Variants in WDHD1 observed in about 807,000 individuals in gnomAD.
WDHD1 encodes WD repeat and HMG-box DNA-binding protein 1.
In WDHD1, 111 loss-of-function variants were observed where a neutral mutation model predicts 135.4. The ratio of observed to expected loss-of-function variants is 0.82; its 90% CI spans 0.70 to 0.96. The LOEUF is 0.96. Among genes scored for constraint, WDHD1 ranks in the 40% least tolerant of loss-of-function variants. The pLI is 0.00. For synonymous variants in WDHD1, 434 were observed against 439.0 expected (o/e 0.99, Z 0.14); for missense variants, 1,351 against 1,336.3 (o/e 1.01, Z -0.17).
Position 55,002,164 on chromosome 14 carries a change from T to C in WDHD1, c.622A>G (p.Lys208Glu). Residue 208 changes from lysine to glutamate, a missense_variant, in exon 8 of 26, where the codon AAA becomes GAA. Physicochemically the swap from Lys to Glu is moderately conservative, Grantham distance 56 (BLOSUM62 1). This residue lies in a region of WDHD1 where 1,330 missense variants were observed against 1,296.1 expected (regional missense o/e 1.03). Transcript: ENST00000360586. ...TCTCTTCTATATAGCTTAACAGATT[T>C]TTCCACAGGAATTGCCAGTAACTAT... ...SGKLLAIPVEKSVKLYRRESW... is the reference protein window; with the variant it reads ...SGKLLAIPVEESVKLYRRESW... 3 of 1,601,000 alleles carry C rather than the reference T, an allele frequency of 1.9e-6. No homozygotes were observed. The highest frequency in any genetic ancestry group is 2.6e-6 in the Non-Finnish European group (3 of 1,175,726).
chr14:55,012,687 C>CAAGG (rs2042190480), intron 3 of WDHD1, among the ~76,000 whole-genome samples: 1 of 152,118 alleles, frequency 6.6e-6, no homozygotes, highest in Non-Finnish European at 1.5e-5. Context: ...TGGCATCTGG[C>CAAGG]AAGGGTCTTC....
rs1249105837 is a variant in WDHD1 at position 54,938,983 on chromosome 14, T to C, written c.*2507A>G. On this transcript the variant is annotated 3_prime_UTR_variant, in exon 26 of 26. Transcript: ENST00000360586. ...AGAAAATCTTTATTCTTAGGGTACATGCTGGGAACTGAGGGATGAAGTATA... is the reference window on the plus strand; with the variant it reads ...AGAAAATCTTTATTCTTAGGGTACACGCTGGGAACTGAGGGATGAAGTATA... The C allele has an allele frequency of 3.3e-5, 5 of 152,094 alleles. No homozygotes were observed. The highest frequency in any genetic ancestry group is 1.2e-4 in the African/African-American group (5 of 41,398). The allele number at this position is 152,094 out of a possible 1,614,324, so 9.4% of individuals were successfully genotyped here.
chr14:54,963,442 G>C (rs1420908374), intron 18 of WDHD1, among the ~76,000 whole-genome samples: 1 of 152,106 alleles, frequency 6.6e-6, no homozygotes, highest in Non-Finnish European at 1.5e-5. Flanking sequence ...CAGTGGCTTA[G>C]ATTTGATGAA....
intron 24 of WDHD1, among the ~76,000 whole-genome samples, chr14:54,945,524 A>G (rs1212991241): frequency 6.6e-6 from 1 of 152,146 alleles, no homozygotes; most frequent in Non-Finnish European, 1.5e-5. Context: ...TCCAACAACC[A>G]GGCAATTTGA....
intron 21 of WDHD1, 146 bp downstream of exon 21, chr14:54,962,352 C>T (rs1291942563): frequency 1.5e-6 from 1 of 688,992 alleles, no homozygotes; most frequent in East Asian, 2.6e-5. Context: ...GCTTCACAAA[C>T]AACATCTGAG....
chr14:55,010,523 C>A, intron 3 of WDHD1, 63 bp from the exon 4 acceptor site: 1 of 1,333,658 alleles, frequency 7.5e-7, no homozygotes, highest in Non-Finnish European at 9.8e-7. Flanking sequence ...GGAGTCTCTC[C>A]ATAGTTAAAA....
intron 17 of WDHD1, 127 bp downstream of exon 17, chr14:54,967,153 C>A (rs1466761980): frequency 9.3e-6 from 7 of 750,592 alleles, no homozygotes; most frequent in Non-Finnish European, 1.5e-5. Flanking sequence ...TCCCTCCCTG[C>A]TACCCCTATT....
At chr14:55,007,243 A>AG in intron 7 of WDHD1, 37 bp downstream of exon 7, 1 of 1,490,650 alleles carries the variant, frequency 6.7e-7, no homozygotes, top group Non-Finnish European at 9.0e-7. Context: ...AAAAAAAAAA[A>AG]AAAAAAGAAA....
At chr14:54,946,327 C>T (rs943718255) in intron 24 of WDHD1, among the ~76,000 whole-genome samples, 1 of 152,186 alleles carries the variant, frequency 6.6e-6, no homozygotes, top group Non-Finnish European at 1.5e-5. Flanking sequence ...GCTAGGACTA[C>T]AAGAGTGCAC....
chr14:54,950,480 A>G (rs1409517150), intron 24 of WDHD1, among the ~76,000 whole-genome samples: 1 of 152,154 alleles, frequency 6.6e-6, no homozygotes, highest in Non-Finnish European at 1.5e-5. Context: ...CCAATACAGG[A>G]GCACCCAGAT....
chr14:54,991,501 G>A, intron 11 of WDHD1, 101 bp from the exon 12 acceptor site: 3 of 1,108,778 alleles, frequency 2.7e-6, no homozygotes, highest in Non-Finnish European at 3.9e-6. Context: ...CATATTCAAT[G>A]ACACTGACAT....
At chr14:55,012,519 T>C (rs1483512888) in intron 3 of WDHD1, among the ~76,000 whole-genome samples, 1 of 152,196 alleles carries the variant, frequency 6.6e-6, no homozygotes, top group Non-Finnish European at 1.5e-5. Flanking sequence ...TAATGAAACA[T>C]TCCCGTTTTC....
chr14:54,979,559 C>A (rs1014390627), intron 16 of WDHD1, among the ~76,000 whole-genome samples: 5 of 152,178 alleles, frequency 3.3e-5, no homozygotes, highest in Non-Finnish European at 7.4e-5. Context: ...TCACTTTTAT[C>A]AGAGTCACCG....
At chr14:55,016,119 G>C (rs2042258673) in intron 2 of WDHD1, among the ~76,000 whole-genome samples, 1 of 152,160 alleles carries the variant, frequency 6.6e-6, no homozygotes, top group Non-Finnish European at 1.5e-5. Flanking sequence ...AAGAAATAAA[G>C]GCAGAAAATA....
intron 2 of WDHD1, among the ~76,000 whole-genome samples, chr14:55,014,665 CACAT>C (rs1172964133): frequency 6.6e-6 from 1 of 151,854 alleles, no homozygotes; most frequent in Non-Finnish European, 1.5e-5. Context: ...CCTATCTACA[CACAT>C]ACAAAAAAGC....
chr14:54,974,414 CAGAG>C, intron 16 of WDHD1, among the ~76,000 whole-genome samples: 1 of 144,888 alleles, frequency 6.9e-6, no homozygotes, highest in Admixed American at 7.0e-5. Context: ...GTCTGGGCAA[CAGAG>C]AGAGATTCTG....
In WDHD1 at chr14:54,972,572, AAAAAAAAAAAAAAAAAAAT is replaced by A. The variant is rs1379803928; in HGVS notation, c.2064-5197_2064-5179del. ...CTGTCACAAAAAAAAAAAAAAAAAA[AAAAAAAAAAAAAAAAAAAT>A]GCCAATGAGGCATATTCACTTTCAT... On this transcript the variant is annotated intron_variant, in intron 16 of 25. Transcript: ENST00000360586. Among the ~76,000 whole-genome samples, 589 of 139,164 alleles carry A rather than the reference AAAAAAAAAAAAAAAAAAAT, an allele frequency of 4.2e-3. 19 individuals are homozygous for A. Among genetic ancestry groups the A allele is most frequent in the African/African-American group, 0.016 (552 of 34,822 alleles). 91.3% of individuals were successfully genotyped at this position (139,164 alleles called of 152,430 possible). A position where few individuals can be genotyped will look rare whatever the true frequency, so the allele number is the denominator to read the frequency against.
chr14:54,974,230 C>T (rs971487809), intron 16 of WDHD1, among the ~76,000 whole-genome samples: 7 of 151,654 alleles, frequency 4.6e-5, no homozygotes, highest in Non-Finnish European at 1.0e-4. Context: ...AAGACCAGCT[C>T]GGGCTACATA....
rs1474544038 is a variant in WDHD1 at position 54,974,930 on chromosome 14, T to C, written c.2063+6610A>G. Among the ~76,000 whole-genome samples the C allele has an allele frequency of 2.6e-5, 4 of 152,240 alleles. 1 individual carries two copies. The South Asian group carries it at 8.3e-4, about 32-fold the overall frequency. ...TTTTCTTCTGTGTTGGACCGGACTG[T>C]CTTCTGCATTTGAGGGGACTTTGCT... On this transcript the variant is annotated intron_variant, in intron 16 of 25. Transcript: ENST00000360586.
Sources: gnomAD v4.1 joint callset for allele counts (sites outside exome capture counted in the v4.1 genomes callset) on GRCh38, gnomAD v4.1.1 for gene constraint, gnomAD v4.1.1 regional missense constraint, MANE v1.5 for transcripts, NCBI Gene and HGNC (gene_info 2026-07-23, HGNC 2026-07-21) for gene names.